Variants in B3GALNT2 observed in about 807,000 individuals in gnomAD.
B3GALNT2 encodes the protein UDP-GalNAc:beta-1,3-N-acetylgalactosaminyltransferase 2.
B3GALNT2 carries 53 observed loss-of-function variants against 61.1 expected under a neutral mutation model. The ratio of observed to expected loss-of-function variants is 0.87; its 90% confidence interval spans 0.70 to 1.09. The LOEUF (loss-of-function observed/expected upper bound fraction) is 1.09. Ranked by LOEUF, B3GALNT2 falls within the 50% of genes least tolerant of loss-of-function variation. B3GALNT2 has a pLI of 0.00. For synonymous variants in B3GALNT2, 223 were observed against 237.4 expected, an observed-to-expected ratio of 0.94 and a Z score of 0.56; for missense variants, 544 against 623.0, an observed-to-expected ratio of 0.87 and a Z score of 1.35.
At position 235,455,603 on chromosome 1, in the gene B3GALNT2, C is replaced by T. The variant is rs1355476746; in HGVS notation, c.1107G>A (p.Arg369=). Residue 369 remains arginine, a synonymous_variant, in exon 9 of 12, where the codon AGG becomes AGA. Coordinates refer to ENST00000366600, the MANE Select transcript of B3GALNT2 (RefSeq NM_152490.5). ...CYIDLEAVFN[R]IVQKNLDGPN... is the part of the protein sequence containing the mutation. ...GCCCATCCAGATTCTTTTGGACAAT[C>T]CTATTAAATACAGCTTCGAGGTCTA... The T allele has an allele frequency of 6.2e-7, 1 of 1,610,324 alleles. No homozygotes were observed. Among genetic ancestry groups the T allele is most frequent in the Non-Finnish European group, 8.5e-7 (1 of 1,176,632 alleles).
intron 8 of B3GALNT2, 64 bp from the exon 9 acceptor site, chr1:235,455,748 G>C: frequency 6.7e-7 from 1 of 1,496,582 alleles, no homozygotes. Flanking sequence ...ATGCAGTGGC[G>C]TCACTAACAC....
intron 2 of B3GALNT2, 149 bp downstream of exon 2, chr1:235,494,532 C>T (rs1685222503): frequency 2.6e-6 from 2 of 773,590 alleles, no homozygotes; most frequent in Non-Finnish European, 4.2e-6. Context: ...TCATGGCTCA[C>T]TGCAGCCTCA....
intron 1 of B3GALNT2, among the ~76,000 whole-genome samples, chr1:235,497,341 AC>A (rs1685376149): frequency 6.6e-6 from 1 of 152,242 alleles, no homozygotes. Flanking sequence ...ATTTTGCATT[AC>A]GTTAGTAAGA....
At chr1:235,454,065 C>T in intron 10 of B3GALNT2, 91 bp downstream of exon 10, 1 of 1,250,708 alleles carries the variant, frequency 8.0e-7, no homozygotes, top group South Asian at 1.7e-5. Context: ...TCTTGAATTC[C>T]TGGGCTCAAG....
chr1:235,472,373 C>G (rs1366335795), intron 5 of B3GALNT2, among the ~76,000 whole-genome samples: 2 of 152,110 alleles, frequency 1.3e-5, no homozygotes, highest in Admixed American at 6.6e-5. Flanking sequence ...ATTCTGTGCA[C>G]AGCTGGCTCC....
chr1:235,470,714 T>C, intron 6 of B3GALNT2, 136 bp downstream of exon 6: 1 of 1,295,496 alleles, frequency 7.7e-7, no homozygotes, highest in Non-Finnish European at 1.0e-6. Context: ...CAACAACATT[T>C]GCTACTATAT....
At chr1:235,443,716 TAGG>T (rs750709877), downstream of B3GALNT2, among the ~76,000 whole-genome samples, 1 of 152,168 alleles carries the variant, frequency 6.6e-6, no homozygotes, top group East Asian at 1.9e-4. Context: ...CCTGACTGAT[TAGG>T]AGTCCCTGCA....
At chr1:235,490,302 C>T (rs1329370955) in intron 2 of B3GALNT2, among the ~76,000 whole-genome samples, 1 of 152,148 alleles carries the variant, frequency 6.6e-6, no homozygotes, top group Non-Finnish European at 1.5e-5. Context: ...GTAATCTTGG[C>T]TCTTTGCAGT....
intron 11 of B3GALNT2, 25 bp downstream of exon 11, chr1:235,453,065 C>T (rs942457535): frequency 5.7e-6 from 9 of 1,591,898 alleles, no homozygotes; most frequent in African/African-American, 1.3e-5. Context: ...TCTTAAGAAC[C>T]CTGAGGCCAT....
At chr1:235,478,389 T>C (rs1321902395) in intron 5 of B3GALNT2, among the ~76,000 whole-genome samples, 2 of 152,202 alleles carry the variant, frequency 1.3e-5, no homozygotes, top group Non-Finnish European at 2.9e-5. Flanking sequence ...ACTTTGATGG[T>C]ACATACTGCA....
chr1:235,484,449 C>T lies in B3GALNT2; in HGVS notation c.428G>A (p.Arg143Gln), dbSNP rs1256983608. The change falls in exon 4 of 12, where the codon CGA becomes CAA. Residue 143 changes from arginine (R) to glutamine (Q), a missense_variant. By Grantham distance (43) the Arg-to-Gln change is conservative (BLOSUM62 1). Coordinates refer to ENST00000366600, the MANE Select transcript of B3GALNT2 (RefSeq NM_152490.5). ...AACTCGGAAACTCACGCTGACAACT[C>T]GATCCTCAGGCAGCCCCGATGAAGT... ...EDTSSGLPED[R>Q]VVSVSFRVLY... is the part of the protein sequence containing the mutation. The T allele has an allele frequency of 1.4e-5, 22 of 1,614,176 alleles. No homozygotes were observed. The highest frequency in any genetic ancestry group is 2.7e-5 in the African/African-American group (2 of 75,032).
At chr1:235,486,314 A>G (rs1036835034) in intron 3 of B3GALNT2, among the ~76,000 whole-genome samples, 2 of 152,214 alleles carry the variant, frequency 1.3e-5, no homozygotes, top group African/African-American at 4.8e-5. Context: ...AGACTACAAC[A>G]TAATGGACAA....
Position 235,455,366 on chromosome 1 carries a change from T to C in B3GALNT2, c.1151+193A>G, listed in dbSNP as rs560862700. Among the ~76,000 whole-genome samples, 115 of 152,228 alleles carry C rather than the reference T, an allele frequency of 7.6e-4. 2 individuals are homozygous for C. In the South Asian group the frequency reaches 0.023, roughly 30 times the overall value. On this transcript the variant is annotated intron_variant, in intron 9 of 11. Transcript: ENST00000366600. Reference sequence around the variant, plus strand: ...CTCAAAGGATCCTCCCACCTCAGCCTTCCCAAAACTCTGGGATGACAGATG... The same window carrying C: ...CTCAAAGGATCCTCCCACCTCAGCCCTCCCAAAACTCTGGGATGACAGATG...
At chr1:235,484,999 C>T (rs1321661395) in intron 3 of B3GALNT2, among the ~76,000 whole-genome samples, 1 of 152,186 alleles carries the variant, frequency 6.6e-6, no homozygotes, top group Non-Finnish European at 1.5e-5. Context: ...TATAAATAAG[C>T]AACTGAAGTC....
intron 5 of B3GALNT2, among the ~76,000 whole-genome samples, chr1:235,473,720 T>C (rs749791767): frequency 1.3e-5 from 2 of 152,142 alleles, no homozygotes; most frequent in African/African-American, 2.4e-5. Flanking sequence ...GAAGGCTAGG[T>C]AGCAAATCCT....
intron 7 of B3GALNT2, among the ~76,000 whole-genome samples, chr1:235,460,433 T>C (rs1040256837): frequency 2.7e-5 from 4 of 149,356 alleles, no homozygotes; most frequent in Middle Eastern, 3.4e-3. Context: ...CATGAGCGAC[T>C]GTGCCTGGCC....
intron 5 of B3GALNT2, chr1:235,479,374 G>A (rs919826469): frequency 6.6e-6 from 1 of 152,174 alleles, no homozygotes; most frequent in African/African-American, 2.4e-5. Context: ...GAATGTACTC[G>A]GCCTAGACTA....
chr1:235,442,332 A>T (rs1365357052), downstream of B3GALNT2, among the ~76,000 whole-genome samples: 2 of 152,090 alleles, frequency 1.3e-5, no homozygotes, highest in Non-Finnish European at 2.9e-5. Flanking sequence ...CACCACACCC[A>T]GTTAATTTTG....
intron 5 of B3GALNT2, among the ~76,000 whole-genome samples, chr1:235,475,636 A>G (rs969538054): frequency 8.5e-5 from 13 of 152,190 alleles, no homozygotes; most frequent in African/African-American, 2.9e-4. Flanking sequence ...AATTAAACAT[A>G]TTTTCAACAC....
Sources: allele counts gnomAD v4.1 joint callset (sites outside exome capture counted in the v4.1 genomes callset), GRCh38; gene constraint gnomAD v4.1.1; transcripts MANE v1.5; gene names NCBI Gene and HGNC (gene_info 2026-07-23, HGNC 2026-07-21).